Variants in HMCN2 observed in about 807,000 individuals in gnomAD.
HMCN2 encodes the protein hemicentin-2.
HMCN2 carries 325 observed loss-of-function variants against 377.5 expected under a neutral mutation model. The ratio of observed to expected loss-of-function variants is 0.86; its 90% CI spans 0.79 to 0.94. HMCN2 has a LOEUF of 0.94. Among genes scored for constraint, HMCN2 ranks in the 40% least tolerant of loss-of-function variants. HMCN2 has a pLI of 0.00. For synonymous variants in HMCN2, 2,007 were observed against 2,046.8 expected (o/e 0.98, Z 0.53); for missense variants, 4,543 against 4,725.3 (o/e 0.96, Z 1.13).
In HMCN2 at chr9:130,393,795, G is replaced by A. The variant is rs1842453808; in HGVS notation, c.10288G>A (p.Gly3430Ser). Residue 3430 changes from glycine (G) to serine (S), a missense_variant, in exon 68 of 98, where the codon GGC (glycine) becomes AGC (serine). Around this residue, in one of 5 missense-constraint regions of HMCN2, gnomAD observed 1,073 missense variants for 1,319.5 expected, o/e 0.81. Coordinates refer to ENST00000683500, the MANE Select transcript of HMCN2 (RefSeq NM_001291815.2). This position sits in a 1 kb window ranked among gnomAD's most constrained non-coding sequence, Gnocchi z 5.2. ...EFQNDVVVVR[G>S]SLVELPCEAR... ...CCAGAATGACGTGGTGGTGGTTCGTGGCTCCCTGGTGGAACTCCCGTGCGA... is the reference window on the plus strand; with the variant it reads ...CCAGAATGACGTGGTGGTGGTTCGTAGCTCCCTGGTGGAACTCCCGTGCGA... 7.8e-7 allele frequency: 1 copy of A among 1,285,498 alleles called. No individual in the cohort carries two copies. Among genetic ancestry groups the A allele is most frequent in the Non-Finnish European group, 1.0e-6 (1 of 986,742 alleles). The allele number at this position is 1,285,498 out of a possible 1,614,324, so 79.6% of individuals were successfully genotyped here.
intron 12 of HMCN2, 110 bp downstream of exon 12, chr9:130,306,380 C>T (rs782397717): frequency 6.6e-5 from 27 of 411,604 alleles, no homozygotes; most frequent in Admixed American, 3.0e-4. Context: ...AGAGAATTTG[C>T]CTTCCTTGCT....
rs1588281055 is a variant in HMCN2 at position 130,347,976 on chromosome 9, G to A, written c.4025-569G>A. ...CACATTCTTGTCCTCAGCAGGGAGA[G>A]CGCCCACCCCCACATCCAGGGTGCT... On this transcript the variant is annotated intron_variant, in intron 26 of 97. Coordinates refer to ENST00000683500, the MANE Select transcript of HMCN2 (RefSeq NM_001291815.2). The surrounding 1 kb of genome is among the most constrained non-coding windows in gnomAD (Gnocchi z 5.1). 1.0e-6 allele frequency: 1 copy of A among 985,322 alleles called. No individual in the cohort carries two copies. The highest frequency in any genetic ancestry group is 1.2e-6 in the Non-Finnish European group (1 of 829,854). The allele number at this position is 985,322 out of a possible 1,614,324, so 61.0% of individuals were successfully genotyped here.
chr9:130,411,032 A>G, intron 85 of HMCN2, among the ~76,000 whole-genome samples: 1 of 152,150 alleles, frequency 6.6e-6, no homozygotes, highest in East Asian at 1.9e-4. Context: ...GAAGATGAAC[A>G]CCTGTGGAGA....
Position 130,431,438 on chromosome 9 carries a change from C to T in HMCN2, c.14719C>T (p.Leu4907=), listed in dbSNP as rs1844750280. Residue 4907 remains leucine, a synonymous_variant, in exon 96 of 98, where the codon CTG becomes TTG. Coordinates refer to ENST00000683500, the MANE Select transcript of HMCN2 (RefSeq NM_001291815.2). ...CRNTEGSYQC[L]CPAGYRLLPS... ...CAACACTGAGGGCAGCTACCAGTGC[C>T]TGTGCCCCGCCGGCTACCGTCTGCT... 4 of 1,550,246 alleles carry T rather than the reference C, an allele frequency of 2.6e-6. No homozygotes were observed. Among genetic ancestry groups the T allele is most frequent in the African/African-American group, 1.4e-5 (1 of 73,176 alleles).
chr9:130,415,755 G>T (rs1413575026), intron 85 of HMCN2, among the ~76,000 whole-genome samples: 1 of 152,218 alleles, frequency 6.6e-6, no homozygotes, highest in Non-Finnish European at 1.5e-5. Context: ...ATTGTGGGGA[G>T]CCAATCCAGC....
In HMCN2 at chr9:130,360,484, T is replaced by A; in HGVS notation, c.5830T>A (p.Ser1944Thr). 3 of 1,304,096 alleles carry A rather than the reference T, an allele frequency of 2.3e-6. No individual in the cohort carries two copies. The highest frequency in any genetic ancestry group is 3.0e-6 in the Non-Finnish European group (3 of 988,890). The allele number at this position is 1,304,096 out of a possible 1,614,324, so 80.8% of individuals were successfully genotyped here. The change falls in exon 38 of 98, where the codon TCA becomes ACA. Residue 1944 changes from serine to threonine, a missense_variant. This residue lies in a region of HMCN2 where 1,032 missense variants were observed against 1,285.1 expected (regional missense o/e 0.80). Transcript: ENST00000683500. This position sits in a 1 kb window ranked among gnomAD's most constrained non-coding sequence, Gnocchi z 4.7. ...PVSSWMGVTV[S>T]VDGRVLRIEQ... ...CTCTTCATGGATGGGAGTGACAGTA[T>A]CAGTGGATGGGAGAGTTCTCCGCAT...
intron 54 of HMCN2, among the ~76,000 whole-genome samples, chr9:130,381,460 C>T (rs947204523): frequency 1.3e-5 from 2 of 152,188 alleles, no homozygotes; most frequent in Non-Finnish European, 2.9e-5. Flanking sequence ...CCTCTGCCTC[C>T]TGGGTTTAAG....
At chr9:130,392,855 GCC>G in intron 66 of HMCN2, among the ~76,000 whole-genome samples, 1 of 151,858 alleles carries the variant, frequency 6.6e-6, no homozygotes, top group Non-Finnish European at 1.5e-5. Context: ...AATTAGCCGG[GCC>G]TGGTGGCGGG....
chr9:130,396,619 T>G (rs1198304831), intron 73 of HMCN2, among the ~76,000 whole-genome samples: 1 of 152,138 alleles, frequency 6.6e-6, no homozygotes, highest in Non-Finnish European at 1.5e-5. Flanking sequence ...ACCTTCTTCC[T>G]TGGTGAACAT....
rs1383412984 is a variant in HMCN2, at chr9:130,296,774, C to G, written c.992C>G (p.Thr331Ser). The G allele has an allele frequency of 4.2e-6, 2 of 471,124 alleles. No homozygotes were observed. Among genetic ancestry groups the G allele is most frequent in the Non-Finnish European group, 8.8e-6 (2 of 227,072 alleles). 29.2% of individuals were successfully genotyped at this position (471,124 alleles called of 1,614,324 possible). The change falls in exon 7 of 98, where the codon ACC becomes AGC. Residue 331 changes from threonine to serine, a missense_variant. Coordinates refer to ENST00000683500, the MANE Select transcript of HMCN2 (RefSeq NM_001291815.2). ...CAGCCCTTGCTGGACCTCAACCACA[C>G]CCTCGAGTGGCCCTTGCAAGGTACA... ...STQPLLDLNH[T>S]LEWPLQGVPI...
rs782469885 is a variant in HMCN2 at position 130,296,874 on chromosome 9, TG to T, written c.1012+81del. ...TTGGCTTTGGGAAGTAGGGGGGAGG[TG>T]TGGGGGGAATGCTTGGCTGTGTGTG... is the stretch of plus-strand genomic sequence containing the variant. On this transcript the variant is annotated intron_variant, in intron 7 of 97. Coordinates refer to ENST00000683500, the MANE Select transcript of HMCN2 (RefSeq NM_001291815.2). 61 of 444,558 alleles carry T rather than the reference TG, an allele frequency of 1.4e-4. No individual in the cohort carries two copies. The Middle Eastern group carries it at 1.6e-3, about 11-fold the overall frequency. The allele number at this position is 444,558 out of a possible 1,614,324, so 27.5% of individuals were successfully genotyped here. A position where few individuals can be genotyped will look rare whatever the true frequency, so the allele number is the denominator to read the frequency against.
chr9:130,347,228 C>T lies in HMCN2; in HGVS notation c.3892C>T (p.Pro1298Ser). The T allele has an allele frequency of 6.6e-6, 1 of 152,408 alleles. No homozygotes were observed. The highest frequency in any genetic ancestry group is 1.5e-5 in the Non-Finnish European group (1 of 68,092). 9.4% of individuals were successfully genotyped at this position (152,408 alleles called of 1,614,324 possible). The change falls in exon 26 of 98, where the codon CCA becomes TCA. Residue 1298 changes from proline to serine, a missense_variant. Coordinates refer to ENST00000683500, the MANE Select transcript of HMCN2 (RefSeq NM_001291815.2). This position sits in a 1 kb window ranked among gnomAD's most constrained non-coding sequence, Gnocchi z 5.1. ...GTCCTCGGAGCCCCTGCATGGCCAG[C>T]CAGGTGTGGCAGTGCTGGAGGAGGG... ...GPSSEPLHGQ[P>S]GVAVLEEGSL...
At chr9:130,286,083 G>A in intron 3 of HMCN2, 105 bp from the exon 4 acceptor site, 1 of 424,388 alleles carries the variant, frequency 2.4e-6, no homozygotes, top group Admixed American at 2.6e-5. Flanking sequence ...ACAGACAGAG[G>A]AGAGGGCCCA....
chr9:130,297,147 ACTT>A (rs1302847765), intron 7 of HMCN2, among the ~76,000 whole-genome samples: 1 of 152,168 alleles, frequency 6.6e-6, no homozygotes, highest in African/African-American at 2.4e-5. Context: ...CTAGAGTCCT[ACTT>A]CTTCAGTTTT....
chr9:130,371,870 T>C (rs1162302412), intron 46 of HMCN2, among the ~76,000 whole-genome samples: 1 of 152,214 alleles, frequency 6.6e-6, no homozygotes, highest in Non-Finnish European at 1.5e-5. Flanking sequence ...CACACTGATC[T>C]TGGGAGACCC....
In HMCN2 at chr9:130,265,980, G is replaced by A. The variant is rs1554918759; in HGVS notation, c.102G>A (p.Thr34=). The change falls in exon 1 of 98, where the codon ACG becomes ACA. Residue 34 remains threonine (T), a synonymous_variant. Transcript: ENST00000683500. ...GAPGTVMPPT[T]GDATLAFVFD... ...CCGGGACGGTAATGCCCCCCACCAC[G>A]GGGGACGCCACCCTGGCCTTCGTCT... 3 of 467,934 alleles carry A rather than the reference G, an allele frequency of 6.4e-6. No individual in the cohort carries two copies. The highest frequency in any genetic ancestry group is 1.3e-5 in the Non-Finnish European group (3 of 226,076). 29.0% of individuals were successfully genotyped at this position (467,934 alleles called of 1,614,324 possible).
At chr9:130,358,927 G>A (rs1418959579) in intron 36 of HMCN2, among the ~76,000 whole-genome samples, 2 of 152,204 alleles carry the variant, frequency 1.3e-5, no homozygotes, top group Non-Finnish European at 2.9e-5. Flanking sequence ...GCCCGCCTCG[G>A]CCTCCCAAAG....
chr9:130,392,549 G>A (rs568410175), intron 66 of HMCN2, among the ~76,000 whole-genome samples: 22 of 152,268 alleles, frequency 1.4e-4, no homozygotes, highest in African/African-American at 5.3e-4. Context: ...AGAGGGCTGC[G>A]TAGAGGAAGG....
At chr9:130,429,278 C>G (rs1844587056) in intron 93 of HMCN2, 1 of 474,498 alleles carries the variant, frequency 2.1e-6, no homozygotes. Flanking sequence ...GGGAGAGTTC[C>G]TTGCCCAAGG....
Sources: allele counts gnomAD v4.1 joint callset (sites outside exome capture counted in the v4.1 genomes callset), GRCh38; gene constraint gnomAD v4.1.1; regional missense constraint gnomAD v4.1.1; non-coding constraint Gnocchi (gnomAD v3.1); transcripts MANE v1.5; gene names NCBI Gene and HGNC (gene_info 2026-07-23, HGNC 2026-07-21).